Variants in STK38L observed in about 807,000 individuals in gnomAD.
The protein encoded by STK38L is serine/threonine kinase 38 like.
Under a neutral mutation model 59.7 loss-of-function variants are expected in STK38L, and 28 were observed. The observed-to-expected ratio is 0.47, with a 90% CI of 0.35 to 0.64. The LOEUF (loss-of-function observed/expected upper bound fraction) is 0.64. STK38L is among the 30% of genes least tolerant of loss of function. STK38L has a pLI of 0.01. For missense variants in STK38L, 314 were observed against 555.8 expected (o/e 0.56, Z 4.37); for synonymous variants, 162 against 176.8 (o/e 0.92, Z 0.66).
chr12:27,310,644 A>C (rs770075804), intron 5 of STK38L, among the ~76,000 whole-genome samples: 5 of 152,252 alleles, frequency 3.3e-5, no homozygotes, highest in Non-Finnish European at 7.3e-5. Context: ...ATTAGGTTAC[A>C]TAAACTGTAT....
chr12:27,280,799 T>G (rs1943637438), intron 1 of STK38L, among the ~76,000 whole-genome samples: 1 of 152,226 alleles, frequency 6.6e-6, no homozygotes, highest in Admixed American at 6.5e-5. Context: ...CTGAAATAAT[T>G]GCATAGATTT....
chr12:27,252,749 T>C (rs926386521), intron 1 of STK38L, among the ~76,000 whole-genome samples: 1 of 152,212 alleles, frequency 6.6e-6, no homozygotes, highest in Admixed American at 6.5e-5. Context: ...TAGTACTGAA[T>C]TGCATGTATA....
At position 27,244,292 on chromosome 12, in the gene STK38L, C is replaced by G. The variant is rs762135033; in HGVS notation, c.-52C>G. On this transcript the variant is annotated 5_prime_UTR_variant, in exon 1 of 14. Coordinates refer to ENST00000389032, the MANE Select transcript of STK38L (RefSeq NM_015000.4). Reference sequence around the variant, plus strand: ...GACGGGCGCCCGGCCGGCTGCGGTCCGTGCGGAGGCTGAGCCGGCCGCGGG... The same window carrying G: ...GACGGGCGCCCGGCCGGCTGCGGTCGGTGCGGAGGCTGAGCCGGCCGCGGG... The G allele has an allele frequency of 2.0e-5, 3 of 152,264 alleles. No homozygotes were observed. Among genetic ancestry groups the G allele is most frequent in the South Asian group, 2.1e-4 (1 of 4,836 alleles). The allele number at this position is 152,264 out of a possible 1,614,324, so 9.4% of individuals were successfully genotyped here. A position where few individuals can be genotyped will look rare whatever the true frequency, so the allele number is the denominator to read the frequency against.
intron 3 of STK38L, among the ~76,000 whole-genome samples, chr12:27,307,072 T>TTTGCTTAC (rs2136644344): frequency 6.6e-6 from 1 of 152,306 alleles, no homozygotes; most frequent in East Asian, 1.9e-4. Flanking sequence ...TTCATTGTTG[T>TTTGCTTAC]TTGCTTACTT....
chr12:27,262,663 C>T (rs1415506657), intron 1 of STK38L, among the ~76,000 whole-genome samples: 2 of 147,726 alleles, frequency 1.4e-5, no homozygotes, highest in Non-Finnish European at 3.0e-5. Flanking sequence ...TATGATGGCA[C>T]CACTGCACTC....
intron 1 of STK38L, chr12:27,245,861 G>A (rs1409577108): frequency 6.6e-6 from 1 of 152,102 alleles, no homozygotes; most frequent in Non-Finnish European, 1.5e-5. Flanking sequence ...TTTTCTCCTT[G>A]TTAAGATGGC....
chr12:27,277,278 G>C (rs1943556847), intron 1 of STK38L, among the ~76,000 whole-genome samples: 3 of 152,022 alleles, frequency 2.0e-5, no homozygotes, highest in Admixed American at 2.0e-4. Context: ...ACTTTGGGAA[G>C]CTGAGGTGGT....
At chr12:27,283,027 G>A (rs1355352834) in intron 1 of STK38L, among the ~76,000 whole-genome samples, 3 of 152,196 alleles carry the variant, frequency 2.0e-5, no homozygotes, top group Admixed American at 2.0e-4. Context: ...AGGATTAAGT[G>A]AAATGATACA....
At chr12:27,252,624 G>A (rs199570083) in intron 1 of STK38L, among the ~76,000 whole-genome samples, 2 of 152,180 alleles carry the variant, frequency 1.3e-5, no homozygotes, top group Admixed American at 6.5e-5. Flanking sequence ...TCACAACAGC[G>A]ATCCATTTCA....
At chr12:27,244,427 T>C (rs1942804207) in intron 1 of STK38L, 95 bp downstream of exon 1, 2 of 152,664 alleles carry the variant, frequency 1.3e-5, no homozygotes, top group African/African-American at 2.4e-5. Flanking sequence ...TTAGGTGTCT[T>C]TGGGTGTCCA....
chr12:27,306,726 C>T (rs1156438565), intron 3 of STK38L, among the ~76,000 whole-genome samples: 1 of 150,866 alleles, frequency 6.6e-6, no homozygotes, highest in African/African-American at 2.4e-5. Context: ...CACACACACA[C>T]ACACACACAC....
intron 1 of STK38L, among the ~76,000 whole-genome samples, chr12:27,276,220 T>C (rs1379551853): frequency 1.3e-5 from 2 of 152,216 alleles, no homozygotes; most frequent in African/African-American, 2.4e-5. Flanking sequence ...TCTATACCCA[T>C]ACCTACTCCC....
At chr12:27,271,480 CAG>C (rs1943421624) in intron 1 of STK38L, among the ~76,000 whole-genome samples, 1 of 152,126 alleles carries the variant, frequency 6.6e-6, no homozygotes, top group Admixed American at 6.5e-5. Context: ...TGAAGGATTT[CAG>C]AAAATTCATA....
chr12:27,252,040 C>T (rs1334181526), intron 1 of STK38L, among the ~76,000 whole-genome samples: 2 of 151,964 alleles, frequency 1.3e-5, no homozygotes, highest in African/African-American at 2.4e-5. Flanking sequence ...AGTGCAGTGG[C>T]GCGATCTCAG....
chr12:27,268,850 T>G (rs369398156), intron 1 of STK38L, among the ~76,000 whole-genome samples: 2 of 152,212 alleles, frequency 1.3e-5, no homozygotes, highest in African/African-American at 4.8e-5. Context: ...GGTTTTGATT[T>G]GCATTTCTCT....
intron 5 of STK38L, among the ~76,000 whole-genome samples, chr12:27,311,900 A>G (rs1944463028): frequency 6.7e-6 from 1 of 150,100 alleles, no homozygotes; most frequent in Non-Finnish European, 1.5e-5. Flanking sequence ...TTTTTTTTTG[A>G]GATGGAGTCT....
At chr12:27,307,348 G>A (rs1944342633) in intron 3 of STK38L, among the ~76,000 whole-genome samples, 1 of 152,114 alleles carries the variant, frequency 6.6e-6, no homozygotes, top group Admixed American at 6.5e-5. Flanking sequence ...GATAATACAT[G>A]TTTACATACA....
chr12:27,286,315 A>G (rs1943771470), intron 1 of STK38L, among the ~76,000 whole-genome samples: 1 of 152,196 alleles, frequency 6.6e-6, no homozygotes, highest in African/African-American at 2.4e-5. Flanking sequence ...TCTGCTTATA[A>G]AATGGTTGTT....
intron 12 of STK38L, among the ~76,000 whole-genome samples, chr12:27,320,334 A>G (rs994389806): frequency 6.7e-6 from 1 of 150,096 alleles, no homozygotes; most frequent in Admixed American, 6.6e-5. Context: ...TGGCATGATC[A>G]TGGCTCACCG....
Sources: gnomAD v4.1 joint callset for allele counts (sites outside exome capture counted in the v4.1 genomes callset) on GRCh38, gnomAD v4.1.1 for gene constraint, MANE v1.5 for transcripts, NCBI Gene and HGNC (gene_info 2026-07-23, HGNC 2026-07-21) for gene names.